The following ASB5 variants were observed in gnomAD, a reference collection of about 807,000 sequenced individuals.
The protein encoded by ASB5 is ankyrin repeat and SOCS box containing 5.
In ASB5, 45 loss-of-function variants were observed where a neutral mutation model predicts 42.1. The observed-to-expected ratio is 1.07, with a 90% CI of 0.84 to 1.37. The LOEUF (loss-of-function observed/expected upper bound fraction) is 1.37. Ranked by LOEUF, ASB5 falls within the 40% of genes most tolerant of loss-of-function variation. The pLI is 0.00. For missense variants in ASB5, 402 were observed against 399.8 expected (o/e 1.01, Z -0.05); for synonymous variants, 147 against 150.6 (o/e 0.98, Z 0.18).
At chr4:176,224,126 T>C (rs949916082) in intron 2 of ASB5, among the ~76,000 whole-genome samples, 1 of 151,888 alleles carries the variant, frequency 6.6e-6, no homozygotes, top group Non-Finnish European at 1.5e-5. Context: ...TTGGGCAACA[T>C]GACCTTTCCT....
At chr4:176,229,511 A>AGG (rs1753468843) in intron 1 of ASB5, among the ~76,000 whole-genome samples, 1 of 152,144 alleles carries the variant, frequency 6.6e-6, no homozygotes, top group South Asian at 2.1e-4. Context: ...AGAGAGAGAG[A>AGG]GAAGGACAGG....
intron 1 of ASB5, among the ~76,000 whole-genome samples, chr4:176,246,144 G>A (rs981252541): frequency 6.6e-6 from 1 of 152,138 alleles, no homozygotes; most frequent in Admixed American, 6.5e-5. Flanking sequence ...AGAACTTGCT[G>A]TGTTGCTGTT....
At chr4:176,240,063 A>G (rs972046671) in intron 1 of ASB5, among the ~76,000 whole-genome samples, 1 of 152,186 alleles carries the variant, frequency 6.6e-6, no homozygotes, top group African/African-American at 2.4e-5. Context: ...GAATTGTTTA[A>G]ATGCTAGATA....
Position 176,221,256 on chromosome 4 carries a change from C to T in ASB5, c.569G>A (p.Trp190Ter), listed in dbSNP as rs867841129. Residue 190 changes from tryptophan (W) to a stop codon, truncating the protein, a stop_gained, in exon 5 of 7, where the codon TGG (tryptophan) becomes TAG (stop). Transcript: ENST00000296525. LOFTEE classifies it high-confidence loss of function. ...HHECLDILIS[W>*]GIDVDQEIPH... ...AATTTCTTGGTCAACATCTATGCCC[C>T]AGGATATCAGGATGTCAAGACATTC... 4 of 1,613,980 alleles carry T rather than the reference C, an allele frequency of 2.5e-6. No individual in the cohort carries two copies. The highest frequency in any genetic ancestry group is 3.4e-6 in the Non-Finnish European group (4 of 1,180,012).
At chr4:176,263,101 T>C (rs1414342468) in intron 1 of ASB5, among the ~76,000 whole-genome samples, 1 of 152,142 alleles carries the variant, frequency 6.6e-6, no homozygotes, top group African/African-American at 2.4e-5. Context: ...GAGTGAGTTC[T>C]CACTCTATTA....
chr4:176,264,172 C>G (rs994287612), intron 1 of ASB5, among the ~76,000 whole-genome samples: 1 of 152,132 alleles, frequency 6.6e-6, no homozygotes, highest in African/African-American at 2.4e-5. Flanking sequence ...GTGAAAGGAG[C>G]GCCTGAAGAG....
chr4:176,241,117 C>T (rs149892822), intron 1 of ASB5, among the ~76,000 whole-genome samples: 6 of 152,242 alleles, frequency 3.9e-5, no homozygotes, highest in African/African-American at 9.6e-5. Context: ...TATCTCCAAA[C>T]GATGAGTATT....
chr4:176,232,156 CTT>C (rs1753565626), intron 1 of ASB5, among the ~76,000 whole-genome samples: 1 of 146,506 alleles, frequency 6.8e-6, no homozygotes, highest in Non-Finnish European at 1.5e-5. Flanking sequence ...GAGTTTTGCT[CTT>C]GTCACCCAGG....
intron 1 of ASB5, among the ~76,000 whole-genome samples, chr4:176,255,065 G>A (rs1012496376): frequency 6.6e-6 from 1 of 152,202 alleles, no homozygotes. Flanking sequence ...GGAAGGTGGA[G>A]GTTGCAGTGA....
intron 2 of ASB5, among the ~76,000 whole-genome samples, chr4:176,223,670 T>C (rs999515790): frequency 6.6e-6 from 1 of 152,076 alleles, no homozygotes; most frequent in African/African-American, 2.4e-5. Context: ...CTTTCAAAGA[T>C]TTTGAGTTGG....
chr4:176,237,191 G>A (rs1313026787), intron 1 of ASB5: 5 of 795,722 alleles, frequency 6.3e-6, no homozygotes, highest in Non-Finnish European at 7.6e-6. Flanking sequence ...ATTTCAATCC[G>A]CATTCTGGAA....
At chr4:176,264,498 C>G (rs1401295983) in intron 1 of ASB5, among the ~76,000 whole-genome samples, 1 of 152,096 alleles carries the variant, frequency 6.6e-6, no homozygotes, top group Non-Finnish European at 1.5e-5. Flanking sequence ...CAATCAGAAG[C>G]CTTGGTGTTT....
At chr4:176,216,284 C>G (rs899556096) in intron 6 of ASB5, among the ~76,000 whole-genome samples, 2 of 151,938 alleles carry the variant, frequency 1.3e-5, no homozygotes, top group African/African-American at 4.8e-5. Flanking sequence ...ATTACTGAAA[C>G]TAATTGAATA....
intron 1 of ASB5, among the ~76,000 whole-genome samples, chr4:176,276,576 G>T (rs1381858954): frequency 6.6e-6 from 1 of 152,050 alleles, no homozygotes; most frequent in African/African-American, 2.4e-5. Context: ...ATCTTCCCAG[G>T]CTCCATAACA....
At chr4:176,216,671 C>G in intron 6 of ASB5, 147 bp downstream of exon 6, 1 of 733,988 alleles carries the variant, frequency 1.4e-6, no homozygotes, top group Non-Finnish European at 2.2e-6. Context: ...ATAGATAAAA[C>G]CTAAGTTAAA....
At chr4:176,231,672 A>G (rs1055691865) in intron 1 of ASB5, among the ~76,000 whole-genome samples, 25 of 113,152 alleles carry the variant, frequency 2.2e-4, no homozygotes, top group Admixed American at 5.1e-4. Context: ...AAAAAAAAAA[A>G]AAAAAATGTA....
At chr4:176,256,452 T>TGGA (rs1180116107) in intron 1 of ASB5, among the ~76,000 whole-genome samples, 3 of 152,166 alleles carry the variant, frequency 2.0e-5, no homozygotes, top group African/African-American at 7.2e-5. Flanking sequence ...AAGCTCAGTT[T>TGGA]TAGGATCGAT....
At chr4:176,255,503 A>G (rs1034029960) in intron 1 of ASB5, among the ~76,000 whole-genome samples, 3 of 152,260 alleles carry the variant, frequency 2.0e-5, no homozygotes, top group Non-Finnish European at 2.9e-5. Context: ...TATATGGTAT[A>G]TACACACCAT....
At chr4:176,274,312 CT>C (rs1389444868) in intron 2 of ASB5, among the ~76,000 whole-genome samples, 1 of 151,982 alleles carries the variant, frequency 6.6e-6, no homozygotes, top group Non-Finnish European at 1.5e-5. Context: ...GTCATTTTTG[CT>C]GTTGTTAATC....
Sources: allele counts gnomAD v4.1 joint callset (sites outside exome capture counted in the v4.1 genomes callset), GRCh38; gene constraint gnomAD v4.1.1; transcripts MANE v1.5; gene names NCBI Gene and HGNC (gene_info 2026-07-23, HGNC 2026-07-21).